Variants in EPHB1 observed in about 807,000 individuals in gnomAD.
EPHB1 encodes the protein ephrin type-B receptor 1.
A neutral mutation model predicts 94.4 loss-of-function variants in EPHB1; 30 were observed. That is an observed-to-expected ratio of 0.32 (90% confidence interval 0.24 to 0.43). EPHB1 has a LOEUF of 0.43. Among genes scored for constraint, EPHB1 ranks in the 20% least tolerant of loss-of-function variants. The pLI is 1.00. For synonymous variants in EPHB1, 522 were observed against 489.1 expected (o/e 1.07, Z -0.89); for missense variants, 1,055 against 1,308.3 (o/e 0.81, Z 2.99).
intron 4 of EPHB1, among the ~76,000 whole-genome samples, chr3:135,112,861 T>C (rs567746184): frequency 6.6e-6 from 1 of 152,308 alleles, no homozygotes; most frequent in Admixed American, 6.5e-5. Context: ...GTCGACCTTT[T>C]GACAAGTGTT....
At chr3:134,929,799 G>A (rs2038869869) in intron 2 of EPHB1, among the ~76,000 whole-genome samples, 1 of 152,226 alleles carries the variant, frequency 6.6e-6, no homozygotes, top group African/African-American at 2.4e-5. Flanking sequence ...AGCTGCTGGA[G>A]CAGAGGAGGA....
chr3:135,014,516 A>G (rs756470859), intron 3 of EPHB1, among the ~76,000 whole-genome samples: 3 of 152,260 alleles, frequency 2.0e-5, no homozygotes, highest in Non-Finnish European at 2.9e-5. Flanking sequence ...TGCTTCTAGC[A>G]GGAAGACCAT....
intron 3 of EPHB1, among the ~76,000 whole-genome samples, chr3:135,007,416 C>A (rs1349282449): frequency 6.6e-6 from 1 of 152,122 alleles, no homozygotes; most frequent in Non-Finnish European, 1.5e-5. Flanking sequence ...CAATTACCTG[C>A]AAAAATAAAG....
chr3:135,009,986 C>T (rs543649189), intron 3 of EPHB1, among the ~76,000 whole-genome samples: 1 of 152,304 alleles, frequency 6.6e-6, no homozygotes, highest in South Asian at 2.1e-4. Context: ...AAATCATTAA[C>T]ATTTGGTGCT....
At chr3:135,080,738 C>T (rs186467166) in intron 3 of EPHB1, among the ~76,000 whole-genome samples, 1 of 152,278 alleles carries the variant, frequency 6.6e-6, no homozygotes, top group Non-Finnish European at 1.5e-5. Flanking sequence ...AGCTACTTAA[C>T]CTCTCTGTAG....
intron 1 of EPHB1, among the ~76,000 whole-genome samples, chr3:134,854,651 G>T (rs1404650205): frequency 1.3e-5 from 2 of 152,122 alleles, no homozygotes; most frequent in Non-Finnish European, 2.9e-5. Flanking sequence ...CGCTTTGTAT[G>T]TCCTGTGGAC....
intron 1 of EPHB1, among the ~76,000 whole-genome samples, chr3:134,870,774 A>C (rs1196628669): frequency 6.6e-6 from 1 of 152,254 alleles, no homozygotes; most frequent in Non-Finnish European, 1.5e-5. Flanking sequence ...ACGAAATGCG[A>C]ATCACCAAGT....
chr3:134,913,335 G>C (rs1354948234), intron 1 of EPHB1, among the ~76,000 whole-genome samples: 1 of 152,202 alleles, frequency 6.6e-6, no homozygotes, highest in Non-Finnish European at 1.5e-5. Context: ...AGCAGGCCCA[G>C]CGCTGAACTT....
rs941691902 is a variant in EPHB1 at position 134,838,950 on chromosome 3, T to A, written c.58+43261T>A. On this transcript the variant is annotated intron_variant, in intron 1 of 15. Coordinates refer to ENST00000398015, the MANE Select transcript of EPHB1 (RefSeq NM_004441.5). ...AAATAATTAGAAGCAGTCTGTAACA[T>A]GTTCAAGTAAATTATTTCTTTTCTA... Among the ~76,000 whole-genome samples, 6 of 152,350 alleles carry A rather than the reference T, an allele frequency of 3.9e-5. No homozygotes were observed. The South Asian group carries it at 1.2e-3, about 32-fold the overall frequency.
chr3:135,050,655 G>T (rs1937142554), intron 3 of EPHB1, among the ~76,000 whole-genome samples: 1 of 152,254 alleles, frequency 6.6e-6, no homozygotes, highest in South Asian at 2.1e-4. Flanking sequence ...CATGGGGCTG[G>T]ATCCCTTTTG....
At chr3:135,236,035 A>G (rs748169827) in intron 12 of EPHB1, among the ~76,000 whole-genome samples, 1 of 152,210 alleles carries the variant, frequency 6.6e-6, no homozygotes, top group Non-Finnish European at 1.5e-5. Context: ...ATAAAATTGT[A>G]TATACTCAAT....
chr3:134,956,919 C>T (rs182371203), intron 3 of EPHB1, among the ~76,000 whole-genome samples: 1 of 152,242 alleles, frequency 6.6e-6, no homozygotes, highest in Admixed American at 6.5e-5. Context: ...TGCCCAGGCC[C>T]AGCTCCATGA....
At chr3:135,200,400 A>G (rs1402835054) in intron 11 of EPHB1, among the ~76,000 whole-genome samples, 1 of 145,446 alleles carries the variant, frequency 6.9e-6, no homozygotes, top group East Asian at 1.9e-4. Flanking sequence ...CCCATTCACT[A>G]GGAGAGTTCC....
chr3:134,851,185 G>A (rs1047924817), intron 1 of EPHB1, among the ~76,000 whole-genome samples: 1 of 152,228 alleles, frequency 6.6e-6, no homozygotes, highest in South Asian at 2.1e-4. Context: ...AGGAATTCAG[G>A]CTGCAGAAAG....
chr3:135,031,341 A>C (rs1475769243), intron 3 of EPHB1, among the ~76,000 whole-genome samples: 1 of 150,690 alleles, frequency 6.6e-6, no homozygotes, highest in African/African-American at 2.4e-5. Context: ...ATGGGGTCTC[A>C]CTCTGTAGCC....
intron 3 of EPHB1, among the ~76,000 whole-genome samples, chr3:135,085,534 G>A (rs1938328272): frequency 6.6e-6 from 1 of 152,246 alleles, no homozygotes; most frequent in Non-Finnish European, 1.5e-5. Flanking sequence ...AAGATGCCAA[G>A]GAATGGAGAC....
intron 3 of EPHB1, among the ~76,000 whole-genome samples, chr3:134,956,423 A>C (rs7635428): frequency 6.6e-6 from 1 of 151,942 alleles, no homozygotes; most frequent in African/African-American, 2.4e-5. Context: ...TGACAATGCT[A>C]TGCATAATTC....
At chr3:135,093,528 G>A (rs961107225) in intron 3 of EPHB1, among the ~76,000 whole-genome samples, 6 of 152,152 alleles carry the variant, frequency 3.9e-5, no homozygotes, top group Admixed American at 2.6e-4. Flanking sequence ...GACCAGCGTG[G>A]CCGACATGAT....
At chr3:135,060,053 A>T (rs1937450201) in intron 3 of EPHB1, among the ~76,000 whole-genome samples, 1 of 152,228 alleles carries the variant, frequency 6.6e-6, no homozygotes, top group Non-Finnish European at 1.5e-5. Context: ...TATTTAACGT[A>T]CTGTAAAATT....
Sources: allele counts gnomAD v4.1 joint callset (sites outside exome capture counted in the v4.1 genomes callset), GRCh38; gene constraint gnomAD v4.1.1; transcripts MANE v1.5; gene names NCBI Gene and HGNC (gene_info 2026-07-23, HGNC 2026-07-21).